SOHLH1: variants seen among roughly 807,000 people sequenced by gnomAD.
SOHLH1 encodes spermatogenesis- and oogenesis-specific basic helix-loop-helix-containing protein 1.
SOHLH1 carries 23 observed loss-of-function variants against 36.2 expected under a neutral mutation model. The observed-to-expected ratio is 0.64, with a 90% CI of 0.46 to 0.90. SOHLH1 has a LOEUF of 0.90. Ranked by LOEUF, SOHLH1 falls within the 40% of genes least tolerant of loss-of-function variation. SOHLH1 has a pLI of 0.00. For synonymous variants in SOHLH1, 289 were observed against 228.3 expected (o/e 1.27, Z -2.40); for missense variants, 608 against 517.0 (o/e 1.18, Z -1.71).
intron 6 of SOHLH1, 136 bp from the exon 7 acceptor site, chr9:135,694,593 C>T: frequency 7.7e-7 from 1 of 1,301,548 alleles, no homozygotes; most frequent in Non-Finnish European, 1.1e-6. Flanking sequence ...AGGCTCCACC[C>T]TGCCCAGCGG....
upstream of SOHLH1, among the ~76,000 whole-genome samples, chr9:135,699,685 G>A (rs1554760080): frequency 6.6e-6 from 1 of 152,126 alleles, no homozygotes; most frequent in African/African-American, 2.4e-5. Context: ...GCTGGAAAGG[G>A]ACTCGGGGGG....
At chr9:135,699,590 A>G, upstream of SOHLH1, 2 of 991,202 alleles carry the variant, frequency 2.0e-6, no homozygotes, top group Non-Finnish European at 2.9e-6. Flanking sequence ...CCCCACTTGC[A>G]ATCCGCCCCC....
At chr9:135,695,451 G>T (rs1486856708) in intron 5 of SOHLH1, among the ~76,000 whole-genome samples, 188 bp from the exon 6 acceptor site, 1 of 152,126 alleles carries the variant, frequency 6.6e-6, no homozygotes, top group African/African-American at 2.4e-5. Context: ...ACAAGGAAAA[G>T]ATGAACACCC....
intron 6 of SOHLH1, 98 bp downstream of exon 6, chr9:135,694,952 G>A: frequency 1.5e-6 from 2 of 1,333,288 alleles, no homozygotes; most frequent in East Asian, 2.5e-5. Context: ...CAGATGCCGA[G>A]AAAGTGGGCC....
At chr9:135,700,603 G>T (rs1339835226), upstream of SOHLH1, among the ~76,000 whole-genome samples, 4 of 152,224 alleles carry the variant, frequency 2.6e-5, no homozygotes, top group African/African-American at 9.6e-5. Flanking sequence ...TCTGTCCGGG[G>T]TGCCCCAGTC....
chr9:135,693,501 A>C lies in SOHLH1; in HGVS notation c.*96T>G, dbSNP rs753580482. 4.1e-6 allele frequency: 6 copies of C among 1,448,070 alleles called. No homozygotes were observed. The highest frequency in any genetic ancestry group is 5.5e-6 in the Non-Finnish European group (6 of 1,086,254). 89.7% of individuals were successfully genotyped at this position (1,448,070 alleles called of 1,614,324 possible). ...CTCGCTCAAATTAGGGTGCAGCTGC[A>C]ACCCAAACCCAAAATAAAATGCCCA... On this transcript the variant is annotated 3_prime_UTR_variant, in exon 8 of 8. Coordinates refer to ENST00000425225, the MANE Select transcript of SOHLH1 (RefSeq NM_001101677.2).
Position 135,694,265 on chromosome 9 carries a change from A to G in SOHLH1, c.946+122T>C. ...ACAGCTAAGCACCAACGGTGGAGAA[A>G]ACGGGGGCTCAGACACAGACCCTGG... On this transcript the variant is annotated intron_variant, in intron 7 of 7. Transcript: ENST00000425225. 5.2e-6 allele frequency: 8 copies of G among 1,549,776 alleles called. No individual in the cohort carries two copies. The South Asian group carries it at 9.5e-5, about 18-fold the overall frequency.
At chr9:135,694,012 G>C (rs774504907) in intron 7 of SOHLH1, 198 bp from the exon 8 acceptor site, 1 of 1,427,602 alleles carries the variant, frequency 7.0e-7, no homozygotes, top group Admixed American at 2.9e-5. Flanking sequence ...CCAGAACCAG[G>C]AACGGGCTCC....
At chr9:135,699,356 A>G (rs375273019) in intron 1 of SOHLH1, 47 bp downstream of exon 1, 83 of 1,580,128 alleles carry the variant, frequency 5.3e-5, no homozygotes, top group Non-Finnish European at 6.9e-5. Context: ...ACCCCTGGGT[A>G]CAGGCCTTGG....
chr9:135,694,652 C>T (rs1588229552), intron 6 of SOHLH1, among the ~76,000 whole-genome samples, 195 bp from the exon 7 acceptor site: 1 of 152,138 alleles, frequency 6.6e-6, no homozygotes, highest in African/African-American at 2.4e-5. Flanking sequence ...CAGCGGCTCT[C>T]GCGGGTCCCG....
upstream of SOHLH1, among the ~76,000 whole-genome samples, chr9:135,699,701 C>T (rs1834968412): frequency 6.6e-6 from 1 of 152,140 alleles, no homozygotes; most frequent in Admixed American, 6.5e-5. Context: ...GGGGGTCCAC[C>T]CACTCTATGC....
At position 135,693,566 on chromosome 9, in the gene SOHLH1, C is replaced by T. The variant is rs1179853714; in HGVS notation, c.*31G>A. ...ACACACACGGCTCCAGATCCACCGG[C>T]CCCGCCCGCCTCCTCTCCACAGCCT... On this transcript the variant is annotated 3_prime_UTR_variant, in exon 8 of 8. Transcript: ENST00000425225. 1.3e-6 allele frequency: 2 copies of T among 1,533,198 alleles called. No individual in the cohort carries two copies. The highest frequency in any genetic ancestry group is 2.4e-5 in the South Asian group (2 of 83,244). The allele number at this position is 1,533,198 out of a possible 1,614,324, so 95.0% of individuals were successfully genotyped here.
At chr9:135,700,159 C>G (rs1834981985), upstream of SOHLH1, among the ~76,000 whole-genome samples, 2 of 152,208 alleles carry the variant, frequency 1.3e-5, no homozygotes, top group South Asian at 4.1e-4. Flanking sequence ...CTGGCCCTGC[C>G]CAAGCACCAT....
Position 135,695,109 on chromosome 9 carries a change from C to A in SOHLH1, c.816G>T (p.Met272Ile). ...GWLGQAGPLA[M>I]GAAPLGEPAK... ...CTGGCTCCCCCAGAGGTGCAGCCCC[C>A]ATGGCCAGGGGCCCAGCCTGGCCCA... Residue 272 changes from methionine to isoleucine, a missense_variant, in exon 6 of 8, where the codon ATG becomes ATT. By Grantham distance (10) the Met-to-Ile change is conservative. Transcript: ENST00000425225. 1 of 1,598,976 alleles carries A rather than the reference C, an allele frequency of 6.3e-7. No homozygotes were observed. The highest frequency in any genetic ancestry group is 1.1e-5 in the South Asian group (1 of 88,712).
In SOHLH1 at chr9:135,697,526, C is replaced by T. The variant is rs753399176; in HGVS notation, c.447G>A (p.Thr149=). Residue 149 remains threonine (T), a synonymous_variant, in exon 4 of 8, where the codon ACG becomes ACA. Transcript: ENST00000425225. ...QIQAGVPDPG[T]GASSGTRTPD... Reference sequence around the variant, plus strand: ...CTAACCGAGTCCCGCTGGACGCTCCCGTCCCAGGGTCTGGCACACCTGCTT... The same window carrying T: ...CTAACCGAGTCCCGCTGGACGCTCCTGTCCCAGGGTCTGGCACACCTGCTT... The T allele has an allele frequency of 4.7e-5, 76 of 1,611,710 alleles. 1 individual carries two copies. The South Asian group carries it at 7.5e-4, about 16-fold the overall frequency.
upstream of SOHLH1, among the ~76,000 whole-genome samples, chr9:135,701,459 C>T (rs983520076): frequency 1.1e-4 from 17 of 152,258 alleles, no homozygotes; most frequent in Non-Finnish European, 2.1e-4. Context: ...TTCTCCAGAG[C>T]TCTGTGTGAG....
chr9:135,695,124 A>C lies in SOHLH1; in HGVS notation c.801T>G (p.Ala267=). Residue 267 remains alanine (A), a synonymous_variant, in exon 6 of 8, where the codon GCT becomes GCG. Coordinates refer to ENST00000425225, the MANE Select transcript of SOHLH1 (RefSeq NM_001101677.2). ...SGEALGWLGQ[A]GPLAMGAAPL... ...GTGCAGCCCCCATGGCCAGGGGCCC[A>C]GCCTGGCCCAGCCAGCCAAGGGCCT... 6.3e-7 allele frequency: 1 copy of C among 1,597,140 alleles called. No individual in the cohort carries two copies. Among genetic ancestry groups the C allele is most frequent in the Admixed American group, 1.7e-5 (1 of 58,032 alleles).
At chr9:135,700,445 T>G (rs1588237094), upstream of SOHLH1, among the ~76,000 whole-genome samples, 15 of 131,254 alleles carry the variant, frequency 1.1e-4, no homozygotes, top group African/African-American at 1.5e-4. Context: ...GGGACGAGGG[T>G]GGGGGGTGAG....
upstream of SOHLH1, chr9:135,699,532 C>T (rs1317872288): frequency 6.5e-6 from 10 of 1,538,500 alleles, no homozygotes; most frequent in East Asian, 2.1e-4. Context: ...CGCCCCCTCA[C>T]GTGTGCTCTG....
Sources: gnomAD v4.1 joint callset for allele counts (sites outside exome capture counted in the v4.1 genomes callset) on GRCh38, gnomAD v4.1.1 for gene constraint, MANE v1.5 for transcripts, NCBI Gene and HGNC (gene_info 2026-07-23, HGNC 2026-07-21) for gene names.